CAMSAP3: variants seen among roughly 807,000 people sequenced by gnomAD.
CAMSAP3 encodes calmodulin regulated spectrin associated protein family member 3.
CAMSAP3 carries 34 observed loss-of-function variants against 112.5 expected under a neutral mutation model. The observed-to-expected ratio is 0.30, with a 90% CI of 0.23 to 0.40. CAMSAP3 has a LOEUF of 0.40. Among genes scored for constraint, CAMSAP3 ranks in the 10% least tolerant of loss-of-function variants. The probability of loss-of-function intolerance (pLI) is 1.00; values close to 1 mark genes in which losing one functional copy is unlikely to be tolerated. For synonymous variants in CAMSAP3, 868 were observed against 799.8 expected, an observed-to-expected ratio of 1.09 and a Z score of -1.44; for missense variants, 1,602 against 1,770.3, an observed-to-expected ratio of 0.90 and a Z score of 1.71.
At chr19:7,609,305 G>A (rs1325038867) in intron 5 of CAMSAP3, among the ~76,000 whole-genome samples, 3 of 141,764 alleles carry the variant, frequency 2.1e-5, no homozygotes, top group African/African-American at 2.7e-5. Context: ...GCAACAGAGC[G>A]AGACTCCATC....
At chr19:7,616,955 T>G (rs532779925) in intron 14 of CAMSAP3, among the ~76,000 whole-genome samples, 1,500 of 139,814 alleles carry the variant, frequency 0.011, 44 homozygotes, top group African/African-American at 0.038. Context: ...TTTTTTTTTT[T>G]TTTGTTTTTT....
intron 1 of CAMSAP3, among the ~76,000 whole-genome samples, chr19:7,604,490 C>T (rs942739821): frequency 3.9e-5 from 6 of 152,152 alleles, no homozygotes; most frequent in African/African-American, 1.4e-4. Context: ...CCCCTCTCTT[C>T]CCTCTTCCCC....
Position 7,616,580 on chromosome 19 carries a change from A to G in CAMSAP3, c.3170A>G (p.Asn1057Ser), listed in dbSNP as rs755468135. The change falls in exon 14 of 17, where the codon AAC (asparagine) becomes AGC (serine). Residue 1057 changes from asparagine (N) to serine (S), a missense_variant. By Grantham distance (46) the Asn-to-Ser change is conservative. Around this residue, in one of 6 missense-constraint regions of CAMSAP3, gnomAD observed 1,100 missense variants for 1,135.7 expected, o/e 0.97. Coordinates refer to ENST00000160298, the MANE Select transcript of CAMSAP3 (RefSeq NM_020902.2). ...ACCCTGTCACTGTCCACTGTGGCCA[A>G]CGAGGCCCACAATAACCTCGGGGTG... The part of the protein sequence containing the change: ...QSTLSLSTVA[N>S]EAHNNLGVKR... 6.8e-6 allele frequency: 11 copies of G among 1,611,454 alleles called. No homozygotes were observed. Among genetic ancestry groups the G allele is most frequent in the South Asian group, 6.6e-5 (6 of 91,068 alleles).
chr19:7,598,469 C>T (rs565691084), intron 1 of CAMSAP3, among the ~76,000 whole-genome samples: 1 of 152,166 alleles, frequency 6.6e-6, no homozygotes, highest in African/African-American at 2.4e-5. Flanking sequence ...GCAGTGGCCC[C>T]GTGGGAGTAG....
chr19:7,606,186 G>A, intron 2 of CAMSAP3, 85 bp from the exon 3 acceptor site: 1 of 891,404 alleles, frequency 1.1e-6, no homozygotes, highest in Non-Finnish European at 1.5e-6. Context: ...CCCATCTGCA[G>A]GTTCTTCCTT....
At chr19:7,616,678 G>A in intron 14 of CAMSAP3, 56 bp downstream of exon 14, 3 of 1,271,878 alleles carry the variant, frequency 2.4e-6, no homozygotes, top group East Asian at 2.3e-5. Flanking sequence ...CCAGAGCCTG[G>A]GAGGTGTGTG....
rs1267240260 is a variant in CAMSAP3 at position 7,606,633 on chromosome 19, T to C, written c.621+62T>C. On this transcript the variant is annotated intron_variant, in intron 4 of 16. Coordinates refer to ENST00000160298, the MANE Select transcript of CAMSAP3 (RefSeq NM_020902.2). ...GACCGGAGATCTGGGAGGGCAGGGC[T>C]GTGCTTCCTGGACACTCCTGAAGTG... 2.0e-6 allele frequency: 3 copies of C among 1,525,644 alleles called. No individual in the cohort carries two copies. The African/African-American group carries it at 4.1e-5, about 21-fold the overall frequency. The allele number at this position is 1,525,644 out of a possible 1,614,324, so 94.5% of individuals were successfully genotyped here.
rs1464856114 is a variant in CAMSAP3 at position 7,595,921 on chromosome 19, G to T, written c.-82G>T. 3.0e-6 allele frequency: 2 copies of T among 667,166 alleles called. No homozygotes were observed. Among genetic ancestry groups the T allele is most frequent in the African/African-American group, 2.0e-5 (1 of 50,502 alleles). 41.3% of individuals were successfully genotyped at this position (667,166 alleles called of 1,614,324 possible). On this transcript the variant is annotated 5_prime_UTR_variant, in exon 1 of 17. Transcript: ENST00000160298. ...GCGGCAGCGGCGGTAGCAGCAGCGG[G>T]CCCGGCTGGGGCGCGAGCGCGGCGC...
intron 11 of CAMSAP3, among the ~76,000 whole-genome samples, chr19:7,614,465 C>G (rs62113422): frequency 0.14 from 20,691 of 150,516 alleles, 1,489 homozygotes; most frequent in African/African-American, 0.17. Flanking sequence ...TCTTGTCTCA[C>G]CCTCCTGAGT....
chr19:7,603,377 G>C (rs1473391335), intron 1 of CAMSAP3, among the ~76,000 whole-genome samples: 1 of 151,998 alleles, frequency 6.6e-6, no homozygotes, highest in Non-Finnish European at 1.5e-5. Flanking sequence ...ACCATGCCCA[G>C]CTCATTTTTG....
rs2030898807 is a variant in CAMSAP3 at position 7,617,905 on chromosome 19, G to A, written c.3598G>A (p.Gly1200Ser). The change falls in exon 17 of 17, where the codon GGC becomes AGC. Residue 1200 changes from glycine to serine, a missense_variant. Physicochemically the swap from Gly to Ser is moderately conservative, Grantham distance 56 (BLOSUM62 0). This residue lies in a region of CAMSAP3 where 150 missense variants were observed against 207.6 expected (regional missense o/e 0.72). Transcript: ENST00000160298. The surrounding 1 kb of genome is among the most constrained non-coding windows in gnomAD (Gnocchi z 7.5). ...PRTVTPAMVE[G>S]IYKYNSDRKR... ...GACCGTCACGCCCGCCATGGTGGAA[G>A]GCATCTACAAGTACAACTCGGACCG... 1 of 1,613,992 alleles carries A rather than the reference G, an allele frequency of 6.2e-7. No individual in the cohort carries two copies. Among genetic ancestry groups the A allele is most frequent in the Non-Finnish European group, 8.5e-7 (1 of 1,180,040 alleles).
At chr19:7,604,523 C>T (rs2030107335) in intron 1 of CAMSAP3, among the ~76,000 whole-genome samples, 1 of 152,144 alleles carries the variant, frequency 6.6e-6, no homozygotes. Flanking sequence ...AAGGTCCTGG[C>T]TACCTCCCTC....
At position 7,610,801 on chromosome 19, in the gene CAMSAP3, C is replaced by T. The variant is rs188146738; in HGVS notation, c.994+8C>T. Reference sequence around the variant, plus strand: ...ACTTGCCCGATGGTCACGGTGAGGCCCTGGGGGCCTGGGGGCCGGGTCGGG... The same window carrying T: ...ACTTGCCCGATGGTCACGGTGAGGCTCTGGGGGCCTGGGGGCCGGGTCGGG... On this transcript the variant is annotated splice_region_variant and intron_variant, in intron 7 of 16. Coordinates refer to ENST00000160298, the MANE Select transcript of CAMSAP3 (RefSeq NM_020902.2). This position sits in a 1 kb window ranked among gnomAD's most constrained non-coding sequence, Gnocchi z 4.9. 2.3e-3 allele frequency: 3,700 copies of T among 1,612,448 alleles called. 72 individuals are homozygous for T. The African/African-American group carries it at 0.042, about 18-fold the overall frequency.
At position 7,617,952 on chromosome 19, in the gene CAMSAP3, C is replaced by T. The variant is rs2030902976; in HGVS notation, c.3645C>T (p.Pro1215=). ...ACCGCAAGCGCTTCACCCAGATCCC[C>T]GCCAAGACCATGTCCATGAGCGTCG... ...NSDRKRFTQI[P]AKTMSMSVDA... Residue 1215 remains proline (P), a synonymous_variant, in exon 17 of 17, where the codon CCC becomes CCT. Transcript: ENST00000160298. The surrounding 1 kb of genome is among the most constrained non-coding windows in gnomAD (Gnocchi z 7.5). The T allele has an allele frequency of 3.7e-6, 6 of 1,614,044 alleles. No homozygotes were observed. The highest frequency in any genetic ancestry group is 2.2e-5 in the South Asian group (2 of 91,090).
intron 5 of CAMSAP3, among the ~76,000 whole-genome samples, chr19:7,608,942 C>T (rs886937194): frequency 6.6e-6 from 1 of 151,952 alleles, no homozygotes; most frequent in African/African-American, 2.4e-5. Context: ...CCCAGAAGTA[C>T]TTTTTGCATA....
In CAMSAP3 at chr19:7,615,530, G is replaced by A. The variant is rs771629387; in HGVS notation, c.2923G>A (p.Gly975Arg). The change falls in exon 13 of 17, where the codon GGG becomes AGG. Residue 975 changes from glycine to arginine, a missense_variant. By Grantham distance (125) the Gly-to-Arg change is moderately radical. Around this residue, in one of 6 missense-constraint regions of CAMSAP3, gnomAD observed 1,100 missense variants for 1,135.7 expected, o/e 0.97. Coordinates refer to ENST00000160298, the MANE Select transcript of CAMSAP3 (RefSeq NM_020902.2). This position sits in a 1 kb window ranked among gnomAD's most constrained non-coding sequence, Gnocchi z 6.5. ...PAEEEVGPRKGDFTRQEYERR... is the reference protein window; with the variant it reads ...PAEEEVGPRKRDFTRQEYERR... The stretch of plus-strand genomic sequence containing the variant: ...CGAGGAGGAGGTGGGCCCCCGGAAG[G>A]GGGACTTCACGCGGCAGGAGTACGA... The A allele has an allele frequency of 2.0e-6, 3 of 1,535,150 alleles. No homozygotes were observed. Among genetic ancestry groups the A allele is most frequent in the Non-Finnish European group, 2.6e-6 (3 of 1,143,164 alleles).
intron 1 of CAMSAP3, among the ~76,000 whole-genome samples, chr19:7,602,334 TATA>T (rs1417020193): frequency 2.6e-5 from 4 of 152,282 alleles, no homozygotes; most frequent in Admixed American, 1.3e-4. Flanking sequence ...AACATCGGTG[TATA>T]ATAAGTGTCT....
Position 7,606,540 on chromosome 19 carries a change from C to T in CAMSAP3, c.590C>T (p.Pro197Leu), listed in dbSNP as rs1466211875. 6.4e-7 allele frequency: 1 copy of T among 1,552,726 alleles called. No individual in the cohort carries two copies. The highest frequency in any genetic ancestry group is 8.6e-7 in the Non-Finnish European group (1 of 1,156,124). ...GCCCAGCGAGCCTCTCCAGCAGCCC[C>T]TGCAGACGGGGCGGCCCCGGCGCAG... is the stretch of plus-strand genomic sequence containing the variant. ...EAAQRASPAA[P>L]ADGAAPAQPS... Residue 197 changes from proline (P) to leucine (L), a missense_variant, in exon 4 of 17, where the codon CCT (proline) becomes CTT (leucine). By Grantham distance (98) the Pro-to-Leu change is moderately conservative (BLOSUM62 -3). Transcript: ENST00000160298.
chr19:7,612,466 C>T lies in CAMSAP3; in HGVS notation c.1973C>T (p.Ser658Phe), dbSNP rs1046767768. 2.5e-6 allele frequency: 4 copies of T among 1,571,136 alleles called. No homozygotes were observed. Among genetic ancestry groups the T allele is most frequent in the Non-Finnish European group, 2.6e-6 (3 of 1,160,938 alleles). Residue 658 changes from serine to phenylalanine, a missense_variant, in exon 11 of 17, where the codon TCC becomes TTC. Transcript: ENST00000160298. ...EAEAEAEEAD[S>F]GPVPGGERPA... ...GAAGCAGAGGCGGAGGAGGCCGATTCCGGTCCAGTCCCTGGTGGGGAGCGG... is the reference window on the plus strand; with the variant it reads ...GAAGCAGAGGCGGAGGAGGCCGATTTCGGTCCAGTCCCTGGTGGGGAGCGG...
Sources: allele counts gnomAD v4.1 joint callset (sites outside exome capture counted in the v4.1 genomes callset), GRCh38; gene constraint gnomAD v4.1.1; regional missense constraint gnomAD v4.1.1; non-coding constraint Gnocchi (gnomAD v3.1); transcripts MANE v1.5; gene names NCBI Gene and HGNC (gene_info 2026-07-23, HGNC 2026-07-21).